The following KALRN variants were observed in gnomAD, a reference collection of about 807,000 sequenced individuals.
KALRN encodes kalirin RhoGEF kinase, also known as kalirin.
In KALRN, 70 loss-of-function variants were observed where a neutral mutation model predicts 353.7. The observed-to-expected ratio is 0.20, with a 90% CI of 0.16 to 0.24. The LOEUF (loss-of-function observed/expected upper bound fraction) is 0.24, where lower values mean the gene tolerates loss of function less well. Among genes scored for constraint, KALRN ranks in the 10% least tolerant of loss-of-function variants. The pLI, the probability that KALRN is intolerant of heterozygous loss-of-function variation, is 1.00. For synonymous variants in KALRN, 1,391 were observed against 1,434.8 expected (o/e 0.97, Z 0.69); for missense variants, 2,791 against 3,756.7 (o/e 0.74, Z 6.72).
In KALRN at chr3:124,185,121, T is replaced by C. The variant is rs564904897; in HGVS notation, c.74-42869T>C. ...ACCTCCACTTCCTGGGCTCAAGTGA[T>C]TCTCCTACCTCAGCCTCCCAAGTAG... On this transcript the variant is annotated intron_variant, in intron 1 of 59. Coordinates refer to ENST00000682506, the MANE Select transcript of KALRN (RefSeq NM_001388419.1). Among the ~76,000 whole-genome samples, 18 of 152,308 alleles carry C rather than the reference T, an allele frequency of 1.2e-4. No individual in the cohort carries two copies. The South Asian group carries it at 3.7e-3, about 32-fold the overall frequency.
chr3:124,039,054 A>G (rs2039697571), intron 1 of KALRN, among the ~76,000 whole-genome samples: 1 of 152,244 alleles, frequency 6.6e-6, no homozygotes, highest in Non-Finnish European at 1.5e-5. Context: ...AGACACATTA[A>G]ACTTCCTAAA....
chr3:124,119,978 A>T (rs1009116477), intron 1 of KALRN, among the ~76,000 whole-genome samples: 7 of 152,192 alleles, frequency 4.6e-5, no homozygotes, highest in African/African-American at 1.7e-4. Flanking sequence ...TGGGAGAACA[A>T]CATCAATCCA....
At chr3:124,671,363 G>A (rs1335988819) in intron 47 of KALRN, among the ~76,000 whole-genome samples, 1 of 152,008 alleles carries the variant, frequency 6.6e-6, no homozygotes, top group Non-Finnish European at 1.5e-5. Flanking sequence ...TGCAGCCTAA[G>A]TGCCAGAGTC....
intron 34 of KALRN, among the ~76,000 whole-genome samples, chr3:124,576,544 G>A (rs752770044): frequency 2.6e-5 from 4 of 152,176 alleles, no homozygotes; most frequent in South Asian, 2.1e-4. Flanking sequence ...CTCTGGGGAC[G>A]TATGGGTTAA....
intron 4 of KALRN, among the ~76,000 whole-genome samples, chr3:124,266,853 A>G (rs2073619272): frequency 6.6e-6 from 1 of 152,198 alleles, no homozygotes; most frequent in African/African-American, 2.4e-5. Context: ...AATGCTTTCT[A>G]TATTTTGGCT....
intron 11 of KALRN, among the ~76,000 whole-genome samples, chr3:124,393,166 A>G (rs1301765538): frequency 2.0e-5 from 3 of 152,130 alleles, no homozygotes; most frequent in Non-Finnish European, 4.4e-5. Context: ...GGGTTTCGCC[A>G]TGTTGGCCAG....
chr3:124,542,201 CAAAAT>C (rs1265544583), intron 33 of KALRN, among the ~76,000 whole-genome samples: 1 of 152,066 alleles, frequency 6.6e-6, no homozygotes, highest in East Asian at 1.9e-4. Flanking sequence ...ATATTATAAT[CAAAAT>C]AAAATAAGTA....
intron 35 of KALRN, 91 bp from the exon 36 acceptor site, chr3:124,633,761 T>C: frequency 9.5e-7 from 1 of 1,049,282 alleles, no homozygotes; most frequent in Admixed American, 2.1e-5. Flanking sequence ...AGAGGAACTC[T>C]CCTCCTATGT....
chr3:124,077,198 T>G (rs918755825), intron 1 of KALRN, among the ~76,000 whole-genome samples: 2 of 152,124 alleles, frequency 1.3e-5, no homozygotes, highest in African/African-American at 4.8e-5. Flanking sequence ...CAGAGGAGAG[T>G]AGACCTGGGT....
At chr3:124,660,855 G>T in intron 43 of KALRN, 68 bp from the exon 44 acceptor site, 3 of 1,111,058 alleles carry the variant, frequency 2.7e-6, no homozygotes, top group Non-Finnish European at 4.1e-6. Flanking sequence ...TTTATGATAA[G>T]TTTTTTCCCA....
At chr3:124,252,345 TC>T (rs2071290790) in intron 3 of KALRN, among the ~76,000 whole-genome samples, 1 of 152,132 alleles carries the variant, frequency 6.6e-6, no homozygotes, top group Non-Finnish European at 1.5e-5. Context: ...GCAAGTCACT[TC>T]CCGCCTCTGA....
At chr3:124,643,999 T>G (rs571330556) in intron 37 of KALRN, among the ~76,000 whole-genome samples, 1 of 152,218 alleles carries the variant, frequency 6.6e-6, no homozygotes, top group African/African-American at 2.4e-5. Flanking sequence ...AGTAGCTAAA[T>G]GTACTTATTT....
intron 33 of KALRN, among the ~76,000 whole-genome samples, chr3:124,553,060 C>T (rs186774555): frequency 9.8e-5 from 15 of 152,306 alleles, no homozygotes; most frequent in African/African-American, 3.4e-4. Flanking sequence ...GCCACCGCGC[C>T]CAGCCCTGGA....
At chr3:124,073,170 C>G (rs898141266) in intron 1 of KALRN, among the ~76,000 whole-genome samples, 10 of 152,202 alleles carry the variant, frequency 6.6e-5, no homozygotes, top group African/African-American at 1.4e-4. Context: ...TATACATCAG[C>G]CTTGTGAGCT....
intron 6 of KALRN, among the ~76,000 whole-genome samples, chr3:124,314,030 G>T (rs1056534020): frequency 6.6e-6 from 1 of 152,114 alleles, no homozygotes; most frequent in African/African-American, 2.4e-5. Context: ...AAATCATGCT[G>T]CTATAAAGAC....
intron 47 of KALRN, among the ~76,000 whole-genome samples, chr3:124,669,843 A>T (rs2086161788): frequency 6.6e-6 from 1 of 152,112 alleles, no homozygotes; most frequent in Non-Finnish European, 1.5e-5. Context: ...ATAATACCCG[A>T]TATAATGTAC....
chr3:124,045,079 A>T (rs1159756173), intron 1 of KALRN, among the ~76,000 whole-genome samples: 1 of 152,112 alleles, frequency 6.6e-6, no homozygotes, highest in Non-Finnish European at 1.5e-5. Context: ...GACAATGGGC[A>T]TCTATGGGGT....
At position 124,658,490 on chromosome 3, in the gene KALRN, C is replaced by T. The variant is rs61745758; in HGVS notation, c.6096C>T (p.Ile2032=). 2.0e-3 allele frequency: 3,232 copies of T among 1,613,974 alleles called. 54 individuals are homozygous for T. The African/African-American group carries it at 0.037, about 19-fold the overall frequency. Residue 2032 remains isoleucine (I), a synonymous_variant, in exon 42 of 60, where the codon ATC becomes ATT. Coordinates refer to ENST00000682506, the MANE Select transcript of KALRN (RefSeq NM_001388419.1). ...YCQNKPRSEY[I]VAEYDAYFEE... ...AGAATAAGCCGCGCTCAGAGTACAT[C>T]GTTGCTGAGTATGACGCCTACTTTG...
rs71145446 is a variant in KALRN, at chr3:124,311,064, C to CTTTTTTTTTTTTTTTT, written c.1092+12164_1092+12179dup. 3.1e-3 allele frequency among the ~76,000 whole-genome samples: 211 copies of CTTTTTTTTTTTTTTTT among 67,518 alleles called. 40 individuals carry two copies. The highest frequency in any genetic ancestry group is 4.5e-3 in the Non-Finnish European group (172 of 37,828). The allele number at this position is 67,518 out of a possible 152,430, so 44.3% of individuals were successfully genotyped here. The stretch of plus-strand genomic sequence containing the variant: ...TCAAAACCACAATGAGATACTACTT[C>CTTTTTTTTTTTTTTTT]TTTTTTTTTTTTTTTTTTTTTTTTT... On this transcript the variant is annotated intron_variant, in intron 6 of 59. Transcript: ENST00000682506.
Sources: allele counts gnomAD v4.1 joint callset (sites outside exome capture counted in the v4.1 genomes callset), GRCh38; gene constraint gnomAD v4.1.1; transcripts MANE v1.5; gene names NCBI Gene and HGNC (gene_info 2026-07-23, HGNC 2026-07-21).